Variants in TSPOAP1 observed in about 807,000 individuals in gnomAD.
TSPOAP1 encodes peripheral-type benzodiazepine receptor-associated protein 1.
A neutral mutation model predicts 197.0 loss-of-function variants in TSPOAP1; 87 were observed. That is an observed-to-expected ratio of 0.44 (90% confidence interval 0.37 to 0.53). The LOEUF (loss-of-function observed/expected upper bound fraction) is 0.53. Ranked by LOEUF, TSPOAP1 falls within the 20% of genes least tolerant of loss-of-function variation. The probability of loss-of-function intolerance (pLI) is 0.00; values close to 1 mark genes in which losing one functional copy is unlikely to be tolerated. For missense variants in TSPOAP1, 2,174 were observed against 2,411.3 expected, an observed-to-expected ratio of 0.90 and a Z score of 2.06; for synonymous variants, 913 against 998.9, an observed-to-expected ratio of 0.91 and a Z score of 1.62.
intron 4 of TSPOAP1, 144 bp downstream of exon 4, chr17:58,325,389 TG>T: frequency 9.8e-7 from 1 of 1,025,000 alleles, no homozygotes; most frequent in Non-Finnish European, 1.4e-6. Flanking sequence ...CTCTCCCACC[TG>T]GGCCGTTGCC....
Position 58,328,380 on chromosome 17 carries a change from TTG to T in TSPOAP1, c.-462_-461del, listed in dbSNP as rs150813325. On this transcript the variant is annotated 5_prime_UTR_variant, in exon 1 of 32. Coordinates refer to ENST00000343736, the MANE Select transcript of TSPOAP1 (RefSeq NM_004758.4). This position sits in a 1 kb window ranked among gnomAD's most constrained non-coding sequence, Gnocchi z 4.3. The stretch of plus-strand genomic sequence containing the variant: ...TGCCCATTTCAGAGTTGCCAGTTGT[TTG>T]TGTGTGTGTGTGTGGGTGTCTGTAT... 4.0e-3 allele frequency: 799 copies of T among 198,216 alleles called. No homozygotes were observed. Among genetic ancestry groups the T allele is most frequent in the South Asian group, 0.012 (137 of 11,872 alleles). The allele number at this position is 198,216 out of a possible 1,614,324, so 12.3% of individuals were successfully genotyped here.
rs1971612675 is a variant in TSPOAP1 at position 58,326,466 on chromosome 17, A to T, written c.442-45T>A. On this transcript the variant is annotated intron_variant, in intron 2 of 31. Coordinates refer to ENST00000343736, the MANE Select transcript of TSPOAP1 (RefSeq NM_004758.4). The surrounding 1 kb of genome is among the most constrained non-coding windows in gnomAD (Gnocchi z 4.7). ...AATTGGGGCATGTAGGGAGCACCCCACAGACCCAGTCCTAACAGCCCAAGT... is the reference window on the plus strand; with the variant it reads ...AATTGGGGCATGTAGGGAGCACCCCTCAGACCCAGTCCTAACAGCCCAAGT... 6.2e-7 allele frequency: 1 copy of T among 1,607,284 alleles called. No individual in the cohort carries two copies. Among genetic ancestry groups the T allele is most frequent in the Non-Finnish European group, 8.5e-7 (1 of 1,177,248 alleles).
In TSPOAP1 at chr17:58,304,321, G is replaced by A; in HGVS notation, c.*32+17C>T. 6.2e-7 allele frequency: 1 copy of A among 1,608,544 alleles called. No homozygotes were observed. Among genetic ancestry groups the A allele is most frequent in the Non-Finnish European group, 8.5e-7 (1 of 1,175,364 alleles). Reference sequence around the variant, plus strand: ...GTGGGGGTGGACGGTCACACAGGGGGGCAGTCCCCCACTTACATGTTGCTC... The same window carrying A: ...GTGGGGGTGGACGGTCACACAGGGGAGCAGTCCCCCACTTACATGTTGCTC... On this transcript the variant is annotated intron_variant, in intron 31 of 31. Transcript: ENST00000343736. This position sits in a 1 kb window ranked among gnomAD's most constrained non-coding sequence, Gnocchi z 4.2.
chr17:58,310,640 C>G lies in TSPOAP1; in HGVS notation c.3571G>C (p.Ala1191Pro). Residue 1191 changes from alanine to proline, a missense_variant, in exon 20 of 32, where the codon GCC (alanine) becomes CCC (proline). Ala to Pro is a conservative substitution (Grantham distance 27). Around this residue, in one of 5 missense-constraint regions of TSPOAP1, gnomAD observed 1,933 missense variants for 2,139.0 expected, o/e 0.90. Transcript: ENST00000343736. ...PAAPSLAKQE[A>P]EWTAGEACPA... The stretch of plus-strand genomic sequence containing the variant: ...CAGGCCTCTCCTGCAGTCCACTCGG[C>G]CTCCTGCTTGGCCAGTGAGGGAGCT... The G allele has an allele frequency of 6.2e-7, 1 of 1,613,070 alleles. No homozygotes were observed. The highest frequency in any genetic ancestry group is 8.5e-7 in the Non-Finnish European group (1 of 1,180,000).
At chr17:58,320,501 G>A in intron 11 of TSPOAP1, 30 bp downstream of exon 11, 2 of 1,505,866 alleles carry the variant, frequency 1.3e-6, no homozygotes, top group Non-Finnish European at 1.8e-6. Flanking sequence ...CCAAGATGGT[G>A]GAACTGGGGG....
At chr17:58,307,104 A>G (rs960779765) in intron 24 of TSPOAP1, 136 bp from the exon 25 acceptor site, 4 of 937,582 alleles carry the variant, frequency 4.3e-6, no homozygotes, top group Non-Finnish European at 6.3e-6. Flanking sequence ...GAAAAGGGGG[A>G]AAACAGCAAA....
Position 58,302,332 on chromosome 17 carries a change from A to G in TSPOAP1, c.*148T>C. ...CTTCCCCTTGGAGAAGAAACCCCAC[A>G]CCTTCTCGCTTCTGCCCTGGGGCTC... is the stretch of plus-strand genomic sequence containing the variant. On this transcript the variant is annotated 3_prime_UTR_variant, in exon 32 of 32. Coordinates refer to ENST00000343736, the MANE Select transcript of TSPOAP1 (RefSeq NM_004758.4). 1 of 1,289,344 alleles carries G rather than the reference A, an allele frequency of 7.8e-7. No individual in the cohort carries two copies. The highest frequency in any genetic ancestry group is 1.0e-6 in the Non-Finnish European group (1 of 988,704). The allele number at this position is 1,289,344 out of a possible 1,614,324, so 79.9% of individuals were successfully genotyped here.
At position 58,309,477 on chromosome 17, in the gene TSPOAP1, C is replaced by A; in HGVS notation, c.3892-97G>T. 6.8e-7 allele frequency: 1 copy of A among 1,478,610 alleles called. No homozygotes were observed. The highest frequency in any genetic ancestry group is 9.0e-7 in the Non-Finnish European group (1 of 1,112,046). 91.6% of individuals were successfully genotyped at this position (1,478,610 alleles called of 1,614,324 possible). A position where few individuals can be genotyped will look rare whatever the true frequency, so the allele number is the denominator to read the frequency against. ...TGCGATCTTTGCCCTCAAACGAAGG[C>A]AGGGGTTACGGACAACCCCACAGCC... On this transcript the variant is annotated intron_variant, in intron 21 of 31. Transcript: ENST00000343736. This position sits in a 1 kb window ranked among gnomAD's most constrained non-coding sequence, Gnocchi z 5.0.
In TSPOAP1 at chr17:58,308,815, A is replaced by G. The variant is rs745745786; in HGVS notation, c.4457T>C (p.Leu1486Pro). Residue 1486 changes from leucine (L) to proline (P), a missense_variant, in exon 22 of 32, where the codon CTG becomes CCG. Physicochemically the swap from Leu to Pro is moderately conservative, Grantham distance 98 (BLOSUM62 -3). Transcript: ENST00000343736. Reference protein sequence around the residue: ...CSRGRALEPGLASCLSPKCLE... With the variant: ...CSRGRALEPGPASCLSPKCLE... ...GCACTTGGGGGAAAGGCAGCTGGCC[A>G]GGCCAGGCTCCAGCGCCCGGCCACG... 6.2e-7 allele frequency: 1 copy of G among 1,612,828 alleles called. No individual in the cohort carries two copies. Among genetic ancestry groups the G allele is most frequent in the Non-Finnish European group, 8.5e-7 (1 of 1,179,864 alleles).
chr17:58,323,265 G>C (rs377414450), intron 7 of TSPOAP1, 33 bp downstream of exon 7: 1 of 1,612,398 alleles, frequency 6.2e-7, no homozygotes, highest in Non-Finnish European at 8.5e-7. Flanking sequence ...GTGAAGGGAG[G>C]AGCTGGCCTC....
In TSPOAP1 at chr17:58,325,013, G is replaced by T; in HGVS notation, c.751-11C>A. 3 of 1,511,520 alleles carry T rather than the reference G, an allele frequency of 2.0e-6. No individual in the cohort carries two copies. The highest frequency in any genetic ancestry group is 2.7e-6 in the Non-Finnish European group (3 of 1,127,916). 93.6% of individuals were successfully genotyped at this position (1,511,520 alleles called of 1,614,324 possible). A position where few individuals can be genotyped will look rare whatever the true frequency, so the allele number is the denominator to read the frequency against. On this transcript the variant is annotated splice_polypyrimidine_tract_variant and intron_variant, in intron 4 of 31. Transcript: ENST00000343736. ...CCACTGGGGACCCTCCTGAGGTTGG[G>T]GGACAGGGACAGGGAGGGGACTCAG...
intron 13 of TSPOAP1, 146 bp downstream of exon 13, chr17:58,318,944 A>G (rs1230820926): frequency 4.2e-6 from 4 of 951,084 alleles, no homozygotes; most frequent in Non-Finnish European, 4.5e-6. Context: ...TTTTTCCCCA[A>G]CAGAACGTGG....
chr17:58,319,930 T>G (rs1350166646), intron 12 of TSPOAP1, among the ~76,000 whole-genome samples, 179 bp downstream of exon 12: 1 of 149,668 alleles, frequency 6.7e-6, no homozygotes, highest in African/African-American at 2.5e-5. Flanking sequence ...GCGGCAGGCC[T>G]GGGACAAGGG....
intron 14 of TSPOAP1, 137 bp from the exon 15 acceptor site, chr17:58,316,677 T>C: frequency 1.6e-6 from 1 of 638,546 alleles, no homozygotes; most frequent in Admixed American, 3.0e-5. Context: ...ACAGGAGCAG[T>C]GGCAAGGACC....
Position 58,326,559 on chromosome 17 carries a change from G to A in TSPOAP1, c.441+124C>T. On this transcript the variant is annotated intron_variant, in intron 2 of 31. Coordinates refer to ENST00000343736, the MANE Select transcript of TSPOAP1 (RefSeq NM_004758.4). The surrounding 1 kb of genome is among the most constrained non-coding windows in gnomAD (Gnocchi z 4.7). ...TCTAGGCAGGGGTTCACCCTCTCTG[G>A]GTCTCAGGATTTTGTCACCTCCATT... is the stretch of plus-strand genomic sequence containing the variant. 2 of 1,535,320 alleles carry A rather than the reference G, an allele frequency of 1.3e-6. No individual in the cohort carries two copies. The highest frequency in any genetic ancestry group is 1.8e-6 in the Non-Finnish European group (2 of 1,127,464).
rs1235684246 is a variant in TSPOAP1, at chr17:58,306,373, C to T, written c.5193G>A (p.Gly1731=). The change falls in exon 26 of 32, where the codon GGG becomes GGA. Residue 1731 remains glycine, a synonymous_variant. Transcript: ENST00000343736. The part of the protein sequence containing the change: ...PFVYSTAHTT[G]PPPKPRRSKK... ...TGGAGCGGCGGGGCTTGGGAGGAGG[C>T]CCAGTTGTGTGGGCTGTGGAGTACA... is the stretch of plus-strand genomic sequence containing the variant. 6.4e-7 allele frequency: 1 copy of T among 1,554,780 alleles called. No homozygotes were observed. Among genetic ancestry groups the T allele is most frequent in the South Asian group, 1.2e-5 (1 of 84,288 alleles).
chr17:58,318,221 C>G (rs1971297845), intron 14 of TSPOAP1, 59 bp downstream of exon 14: 1 of 1,579,136 alleles, frequency 6.3e-7, no homozygotes, highest in African/African-American at 1.3e-5. Context: ...TCAGGGCCAC[C>G]TGCCCTGCAC....
rs564052287 is a variant in TSPOAP1, at chr17:58,308,059, C to A, written c.4732-118G>T. 128 of 1,074,580 alleles carry A rather than the reference C, an allele frequency of 1.2e-4. 4 individuals are homozygous for A. The South Asian group carries it at 2.0e-3, about 17-fold the overall frequency. 66.6% of individuals were successfully genotyped at this position (1,074,580 alleles called of 1,614,324 possible). A position where few individuals can be genotyped will look rare whatever the true frequency, so the allele number is the denominator to read the frequency against. ...ACAGCAGCGCAGGAGCACAGCATTC[C>A]TCTCCCGGAGCCTCGGCCCAGCCTG... On this transcript the variant is annotated intron_variant, in intron 22 of 31. Coordinates refer to ENST00000343736, the MANE Select transcript of TSPOAP1 (RefSeq NM_004758.4).
At chr17:58,320,629 G>A in intron 10 of TSPOAP1, 48 bp from the exon 11 acceptor site, 3 of 1,371,048 alleles carry the variant, frequency 2.2e-6, no homozygotes, top group Non-Finnish European at 2.9e-6. Flanking sequence ...GAAGGAATGG[G>A]GTGGAGTAGA....
Sources: allele counts gnomAD v4.1 joint callset (sites outside exome capture counted in the v4.1 genomes callset), GRCh38; gene constraint gnomAD v4.1.1; regional missense constraint gnomAD v4.1.1; non-coding constraint Gnocchi (gnomAD v3.1); transcripts MANE v1.5; gene names NCBI Gene and HGNC (gene_info 2026-07-23, HGNC 2026-07-21).